The following CLVS1 variants were observed in gnomAD, a reference collection of about 807,000 sequenced individuals.
The protein encoded by CLVS1 is clavesin 1.
CLVS1 carries 10 observed loss-of-function variants against 33.1 expected under a neutral mutation model. That is an observed-to-expected ratio of 0.30 (90% CI 0.19 to 0.51). The LOEUF is 0.51. CLVS1 is among the 20% of genes least tolerant of loss of function. The probability of loss-of-function intolerance (pLI) is 0.97; values close to 1 mark genes in which losing one functional copy is unlikely to be tolerated. For missense variants in CLVS1, 343 were observed against 433.4 expected (o/e 0.79, Z 1.85); for synonymous variants, 163 against 166.1 (o/e 0.98, Z 0.14).
chr8:61,239,842 A>G (rs1365345111), intron 2 of CLVS1, among the ~76,000 whole-genome samples: 1 of 152,184 alleles, frequency 6.6e-6, no homozygotes, highest in Non-Finnish European at 1.5e-5. Context: ...TAACATGTAT[A>G]CCAGTCCTGT....
At chr8:61,071,328 G>T (rs944617142) in intron 1 of CLVS1, among the ~76,000 whole-genome samples, 1 of 152,182 alleles carries the variant, frequency 6.6e-6, no homozygotes, top group African/African-American at 2.4e-5. Flanking sequence ...GTGCCTTCTG[G>T]AGGCTGTAGG....
chr8:61,191,305 G>A (rs1353127904), intron 2 of CLVS1, among the ~76,000 whole-genome samples: 1 of 152,088 alleles, frequency 6.6e-6, no homozygotes. Context: ...TGCAGAAAAG[G>A]CCTTTGACAA....
chr8:61,101,807 G>GTTTT (rs35834045), intron 1 of CLVS1, among the ~76,000 whole-genome samples: 2 of 147,210 alleles, frequency 1.4e-5, no homozygotes, highest in Non-Finnish European at 1.5e-5. Context: ...AGGAGTCCAA[G>GTTTT]TTTTTTTTTT....
intron 5 of CLVS1, among the ~76,000 whole-genome samples, chr8:61,476,612 A>G (rs1053454135): frequency 8.6e-5 from 13 of 152,022 alleles, no homozygotes; most frequent in South Asian, 4.1e-4. Context: ...TATTATTGGT[A>G]TATAAGAATG....
intron 1 of CLVS1, among the ~76,000 whole-genome samples, chr8:61,059,499 T>TATATATATACACAC (rs1265187479): frequency 1.0e-5 from 1 of 96,346 alleles, no homozygotes; most frequent in Non-Finnish European, 2.0e-5. Flanking sequence ...TATATATATA[T>TATATATATACACAC]ACACATATCT....
chr8:61,009,533 T>C, the CLVS1 span, among the ~76,000 whole-genome samples: 1 of 35,462 alleles, frequency 2.8e-5, no homozygotes. Flanking sequence ...ATTAATGAGG[T>C]TGAACTTTTT....
the CLVS1 span, among the ~76,000 whole-genome samples, chr8:61,031,841 A>C: frequency 6.6e-6 from 1 of 152,164 alleles, no homozygotes; most frequent in African/African-American, 2.4e-5. Context: ...ACAAATTGGC[A>C]TATGTTTTAA....
chr8:61,419,493 A>C (rs1392436045), intron 3 of CLVS1, among the ~76,000 whole-genome samples: 1 of 152,124 alleles, frequency 6.6e-6, no homozygotes, highest in Non-Finnish European at 1.5e-5. Context: ...AGAGAGTTGA[A>C]GATGCATTTG....
chr8:61,198,829 G>A (rs972313758), intron 2 of CLVS1, among the ~76,000 whole-genome samples: 7 of 152,118 alleles, frequency 4.6e-5, no homozygotes, highest in South Asian at 2.1e-4. Context: ...TTTGGTTTTC[G>A]ATTCCTGAGT....
At chr8:61,287,729 A>G (rs1475969149), upstream of CLVS1, among the ~76,000 whole-genome samples, 4 of 151,176 alleles carry the variant, frequency 2.6e-5, no homozygotes, top group African/African-American at 9.7e-5. Context: ...TGTCAAATTT[A>G]CACACACACA....
intron 2 of CLVS1, among the ~76,000 whole-genome samples, chr8:61,207,855 T>G (rs894614800): frequency 6.6e-6 from 1 of 152,204 alleles, no homozygotes; most frequent in Non-Finnish European, 1.5e-5. Context: ...AGGTGAAGAT[T>G]GAAAAATCAC....
At chr8:61,049,291 G>A in the CLVS1 span, among the ~76,000 whole-genome samples, 1 of 152,126 alleles carries the variant, frequency 6.6e-6, no homozygotes, top group African/African-American at 2.4e-5. Context: ...ACTGGACATG[G>A]GCAAGATTAG....
At position 61,454,134 on chromosome 8, in the gene CLVS1, GC is replaced by G; in HGVS notation, c.631-3del. 6.2e-7 allele frequency: 1 copy of G among 1,605,362 alleles called. No individual in the cohort carries two copies. Among genetic ancestry groups the G allele is most frequent in the Non-Finnish European group, 8.5e-7 (1 of 1,172,078 alleles). Reference sequence around the variant, plus strand: ...AATCGGTGTGCATTTCTCTCTTTCTGCCCCAGGACAGCTTTCCTGCCCGCTT... The same window carrying G: ...AATCGGTGTGCATTTCTCTCTTTCTGCCCAGGACAGCTTTCCTGCCCGCTT... On this transcript the variant is annotated splice_region_variant and splice_polypyrimidine_tract_variant and intron_variant, in intron 3 of 5. Coordinates refer to ENST00000325897, the MANE Select transcript of CLVS1 (RefSeq NM_173519.3).
At chr8:61,353,090 AG>A (rs746377322) in intron 2 of CLVS1, among the ~76,000 whole-genome samples, 17 of 152,030 alleles carry the variant, frequency 1.1e-4, no homozygotes, top group Non-Finnish European at 2.9e-5. Flanking sequence ...AGTGCTTAAA[AG>A]AGGAGTAGAT....
At chr8:61,493,865 G>A (rs976379924) in intron 5 of CLVS1, among the ~76,000 whole-genome samples, 1 of 152,092 alleles carries the variant, frequency 6.6e-6, no homozygotes, top group African/African-American at 2.4e-5. Flanking sequence ...TTCAAATGCA[G>A]GTTTGACTGA....
intron 2 of CLVS1, among the ~76,000 whole-genome samples, chr8:61,225,254 G>A (rs992847328): frequency 1.6e-4 from 24 of 152,092 alleles, no homozygotes; most frequent in African/African-American, 5.8e-4. Flanking sequence ...AGAGGTGGAG[G>A]TTGCAGTGAG....
intron 2 of CLVS1, among the ~76,000 whole-genome samples, chr8:61,338,517 T>C (rs1811886859): frequency 6.6e-6 from 1 of 152,194 alleles, no homozygotes; most frequent in African/African-American, 2.4e-5. Flanking sequence ...GCTGCCATGA[T>C]CAGGAGACCA....
At chr8:61,088,769 G>C (rs546355921) in intron 1 of CLVS1, among the ~76,000 whole-genome samples, 1 of 151,332 alleles carries the variant, frequency 6.6e-6, no homozygotes, top group Non-Finnish European at 1.5e-5. Context: ...GGCATCACTT[G>C]ATATGGTCAA....
chr8:61,144,098 C>T (rs548742583), intron 2 of CLVS1, among the ~76,000 whole-genome samples: 25 of 151,838 alleles, frequency 1.6e-4, no homozygotes, highest in African/African-American at 4.6e-4. Context: ...ATGTGCAGAA[C>T]GTGCAGGTTT....
Sources: allele counts gnomAD v4.1 joint callset (sites outside exome capture counted in the v4.1 genomes callset), GRCh38; gene constraint gnomAD v4.1.1; transcripts MANE v1.5; gene names NCBI Gene and HGNC (gene_info 2026-07-23, HGNC 2026-07-21).